The following MYO16 variants were observed in gnomAD, a reference collection of about 807,000 sequenced individuals.
The protein encoded by MYO16 is unconventional myosin-XVI.
Under a neutral mutation model 205.3 loss-of-function variants are expected in MYO16, and 94 were observed. That is an observed-to-expected ratio of 0.46 (90% CI 0.39 to 0.54). The LOEUF (loss-of-function observed/expected upper bound fraction) is 0.54. Ranked by LOEUF, MYO16 falls within the 20% of genes least tolerant of loss-of-function variation. MYO16 has a pLI of 0.00. For missense variants in MYO16, 2,315 were observed against 2,387.5 expected, an observed-to-expected ratio of 0.97 and a Z score of 0.63; for synonymous variants, 988 against 954.0, an observed-to-expected ratio of 1.04 and a Z score of -0.66.
chr13:108,503,302 C>T, the MYO16 span, among the ~76,000 whole-genome samples: 18 of 152,120 alleles, frequency 1.2e-4, no homozygotes, highest in Non-Finnish European at 2.4e-4. Flanking sequence ...ACAGGCACAG[C>T]GCAGGCAACA....
At chr13:108,519,641 ACACACACC>A in the MYO16 span, among the ~76,000 whole-genome samples, 345 of 149,416 alleles carry the variant, frequency 2.3e-3, 2 homozygotes, top group African/African-American at 8.0e-3. Context: ...ACACACACAC[ACACACACC>A]CACACACACA....
At chr13:108,833,229 A>G (rs1876719396) in intron 9 of MYO16, among the ~76,000 whole-genome samples, 1 of 151,454 alleles carries the variant, frequency 6.6e-6, no homozygotes, top group African/African-American at 2.4e-5. Flanking sequence ...CACAGGTAAT[A>G]TTTTACCATA....
At chr13:108,625,676 C>T (rs181232550), upstream of MYO16, among the ~76,000 whole-genome samples, 554 of 152,224 alleles carry the variant, frequency 3.6e-3, 3 homozygotes, top group African/African-American at 0.012. Context: ...TTTATAAGCC[C>T]CAACCTATTC....
At chr13:109,201,565 G>A (rs1044928920) in intron 34 of MYO16, 2 of 138,704 alleles carry the variant, frequency 1.4e-5, no homozygotes, top group Non-Finnish European at 3.1e-5. Flanking sequence ...CCTCATTTTT[G>A]TTTGTCCAAG....
the MYO16 span, among the ~76,000 whole-genome samples, chr13:108,549,351 G>T: frequency 6.6e-6 from 1 of 152,010 alleles, no homozygotes; most frequent in African/African-American, 2.4e-5. Context: ...AGCTGGAAAA[G>T]GCTGGAGAAC....
intron 16 of MYO16, among the ~76,000 whole-genome samples, chr13:108,942,769 C>T (rs1473258496): frequency 6.6e-6 from 1 of 152,096 alleles, no homozygotes; most frequent in African/African-American, 2.4e-5. Context: ...GTTTCCTTGA[C>T]TGAGGACTTA....
intron 14 of MYO16, among the ~76,000 whole-genome samples, chr13:108,890,021 TC>T (rs1375260218): frequency 9.2e-5 from 14 of 151,952 alleles, no homozygotes; most frequent in Admixed American, 7.2e-4. Context: ...AGCCTCAACT[TC>T]CTGGGCTCAA....
chr13:108,767,383 T>G (rs1302846681), intron 4 of MYO16, among the ~76,000 whole-genome samples: 1 of 152,216 alleles, frequency 6.6e-6, no homozygotes, highest in East Asian at 1.9e-4. Flanking sequence ...ATTACAGGCA[T>G]GAGCCACTGC....
chr13:108,983,840 C>T (rs1884536105), intron 20 of MYO16, among the ~76,000 whole-genome samples: 1 of 152,150 alleles, frequency 6.6e-6, no homozygotes, highest in Non-Finnish European at 1.5e-5. Flanking sequence ...TCTTCTCCTT[C>T]CATTTGCAAA....
At chr13:108,776,482 T>C (rs7996613) in intron 4 of MYO16, among the ~76,000 whole-genome samples, 78,928 of 152,030 alleles carry the variant, frequency 0.52, 21,046 homozygotes, top group East Asian at 0.87. Context: ...GCTCAAGCTT[T>C]GCCATAGGCA....
intron 11 of MYO16, among the ~76,000 whole-genome samples, chr13:108,858,384 A>G (rs754901018): frequency 1.9e-4 from 29 of 152,340 alleles, no homozygotes; most frequent in African/African-American, 6.5e-4. Context: ...TCAAAATTCA[A>G]ATACCCGAAT....
intron 20 of MYO16, among the ~76,000 whole-genome samples, chr13:108,969,642 T>A (rs1311489671): frequency 6.6e-6 from 1 of 152,210 alleles, no homozygotes; most frequent in South Asian, 2.1e-4. Flanking sequence ...GCTCATTCTT[T>A]TTAGGAATTG....
At chr13:108,978,393 A>G (rs1884343470) in intron 20 of MYO16, among the ~76,000 whole-genome samples, 1 of 152,090 alleles carries the variant, frequency 6.6e-6, no homozygotes, top group Non-Finnish European at 1.5e-5. Context: ...ACATTTACTT[A>G]GCATTCCAGT....
chr13:109,019,257 C>T (rs1473215319), intron 22 of MYO16, among the ~76,000 whole-genome samples: 1 of 152,124 alleles, frequency 6.6e-6, no homozygotes, highest in Non-Finnish European at 1.5e-5. Flanking sequence ...GGATTATAGG[C>T]CTAAGCCACT....
At position 108,611,971 on chromosome 13, in the gene MYO16, T is replaced by C. The variant is rs868512698; in HGVS notation, c.-39+15732T>C. Among the ~76,000 whole-genome samples, 126 of 137,396 alleles carry C rather than the reference T, an allele frequency of 9.2e-4. 1 individual carries two copies. Among genetic ancestry groups the C allele is most frequent in the South Asian group, 5.5e-3 (22 of 3,964 alleles). 90.1% of individuals were successfully genotyped at this position (137,396 alleles called of 152,430 possible). A position where few individuals can be genotyped will look rare whatever the true frequency, so the allele number is the denominator to read the frequency against. On this transcript the variant is annotated intron_variant, in intron 1 of 24. Coordinates refer to the MYO16 transcript ENST00000251041. ...GCAGGTAATATTCTTTTTTTTTTTT[T>C]CTTTTTTTTTTTTTTTTTTTTTGAG... is the stretch of plus-strand genomic sequence containing the variant.
intron 16 of MYO16, among the ~76,000 whole-genome samples, chr13:108,928,438 TA>T (rs1345036757): frequency 4.6e-5 from 7 of 152,216 alleles, no homozygotes; most frequent in African/African-American, 1.7e-4. Flanking sequence ...TTACATATAA[TA>T]AAATGGTAAT....
At chr13:109,169,515 T>C (rs55650605) in intron 33 of MYO16, among the ~76,000 whole-genome samples, 37,711 of 151,920 alleles carry the variant, frequency 0.25, 5,373 homozygotes, top group South Asian at 0.35. Flanking sequence ...AGATTTTAGA[T>C]TGAAAAGGGG....
chr13:108,543,765 C>G, the MYO16 span, among the ~76,000 whole-genome samples: 86 of 127,976 alleles, frequency 6.7e-4, no homozygotes, highest in Admixed American at 2.0e-3. Context: ...TTTAATCACA[C>G]ACTTAAAGAG....
chr13:108,683,222 T>C (rs1169597596), intron 2 of MYO16, among the ~76,000 whole-genome samples: 2 of 152,196 alleles, frequency 1.3e-5, no homozygotes, highest in Admixed American at 6.5e-5. Flanking sequence ...CAATTCTCGA[T>C]ATAAGTGCCT....
Sources: gnomAD v4.1 joint callset for allele counts (sites outside exome capture counted in the v4.1 genomes callset) on GRCh38, gnomAD v4.1.1 for gene constraint, MANE v1.5 for transcripts, NCBI Gene and HGNC (gene_info 2026-07-23, HGNC 2026-07-21) for gene names.